The following DLGAP1 variants were observed in gnomAD, a reference collection of about 807,000 sequenced individuals.
DLGAP1 encodes the protein DLG associated protein 1, also known as disks large-associated protein 1.
In DLGAP1, 11 loss-of-function variants were observed where a neutral mutation model predicts 90.8. The observed-to-expected ratio is 0.12, with a 90% CI of 0.08 to 0.20. The LOEUF (loss-of-function observed/expected upper bound fraction) is 0.20, where lower values mean the gene tolerates loss of function less well. Ranked by LOEUF, DLGAP1 falls within the 10% of genes least tolerant of loss-of-function variation. The pLI, the probability that DLGAP1 is intolerant of heterozygous loss-of-function variation, is 1.00. For synonymous variants in DLGAP1, 558 were observed against 540.7 expected (o/e 1.03, Z -0.44); for missense variants, 1,050 against 1,333.8 (o/e 0.79, Z 3.31).
At chr18:3,877,039 C>A (rs2071022153) in intron 4 of DLGAP1, among the ~76,000 whole-genome samples, 2 of 152,164 alleles carry the variant, frequency 1.3e-5, no homozygotes, top group Admixed American at 1.3e-4. Flanking sequence ...CTCAGTTGTA[C>A]AACCTCCAGA....
chr18:3,911,248 C>T (rs1265313186), intron 3 of DLGAP1, among the ~76,000 whole-genome samples: 1 of 152,104 alleles, frequency 6.6e-6, no homozygotes, highest in African/African-American at 2.4e-5. Context: ...TTACTTTTTG[C>T]ACAGTAGTTG....
At chr18:3,545,991 A>G (rs911195421) in intron 9 of DLGAP1, among the ~76,000 whole-genome samples, 1 of 152,246 alleles carries the variant, frequency 6.6e-6, no homozygotes, top group African/African-American at 2.4e-5. Context: ...ACTAGAAGAA[A>G]TAGACAAATT....
rs954357552 is a variant in DLGAP1, at chr18:3,727,451, G to C, written c.1591+1684C>G. On this transcript the variant is annotated intron_variant, in intron 7 of 12. Coordinates refer to ENST00000315677, the MANE Select transcript of DLGAP1 (RefSeq NM_004746.4). The surrounding 1 kb of genome is among the most constrained non-coding windows in gnomAD (Gnocchi z 4.7). ...GTGAGCCACCAGCCCTTTCCTTCCCGACTGTTCTCCTGAGAGCACCCCTTG... is the reference window on the plus strand; with the variant it reads ...GTGAGCCACCAGCCCTTTCCTTCCCCACTGTTCTCCTGAGAGCACCCCTTG... 2.0e-5 allele frequency among the ~76,000 whole-genome samples: 3 copies of C among 152,124 alleles called. No homozygotes were observed. The highest frequency in any genetic ancestry group is 7.2e-5 in the African/African-American group (3 of 41,416).
At chr18:3,639,755 C>CTTTTTTTTTTTTTTTT (rs58862252) in intron 7 of DLGAP1, among the ~76,000 whole-genome samples, 1 of 118,294 alleles carries the variant, frequency 8.5e-6, no homozygotes, top group Non-Finnish European at 1.7e-5. Flanking sequence ...GCAGAGTTGC[C>CTTTTTTTTTTTTTTTT]TTTTTTTTTT....
intron 1 of DLGAP1, among the ~76,000 whole-genome samples, chr18:4,301,812 GT>G (rs562390297): frequency 3.3e-5 from 5 of 152,034 alleles, no homozygotes; most frequent in Admixed American, 2.0e-4. Flanking sequence ...ATGACCTTTT[GT>G]TTTTTTGATA....
At chr18:3,761,287 T>G (rs976084684) in intron 5 of DLGAP1, among the ~76,000 whole-genome samples, 1 of 152,188 alleles carries the variant, frequency 6.6e-6, no homozygotes, top group Non-Finnish European at 1.5e-5. Context: ...TTCTACTTTC[T>G]GTATCTATGA....
chr18:3,769,991 G>C (rs141232395), intron 5 of DLGAP1: 1 of 152,222 alleles, frequency 6.6e-6, no homozygotes, highest in Non-Finnish European at 1.5e-5. Context: ...GACAATGAAT[G>C]AGTCAGGATG....
Position 3,581,881 on chromosome 18 carries a change from C to T in DLGAP1, c.1959G>A (p.Gly653=), listed in dbSNP as rs200529216. The change falls in exon 8 of 13, where the codon GGG becomes GGA. Residue 653 remains glycine (G), a synonymous_variant. Coordinates refer to ENST00000315677, the MANE Select transcript of DLGAP1 (RefSeq NM_004746.4). The part of the protein sequence containing the change: ...HFKKNRCLSI[G]IQVDDAEEPD... The stretch of plus-strand genomic sequence containing the variant: ...TAGAAAGGGAGGCTGTTACCTGTAT[C>T]CCGATAGACAGGCATCGATTTTTCT... The T allele has an allele frequency of 1.1e-4, 175 of 1,614,022 alleles. No individual in the cohort carries two copies. Among genetic ancestry groups the T allele is most frequent in the Admixed American group, 1.0e-4 (6 of 60,014 alleles).
At chr18:4,002,038 T>A (rs573603526) in intron 3 of DLGAP1, among the ~76,000 whole-genome samples, 41 of 33,324 alleles carry the variant, frequency 1.2e-3, no homozygotes, top group African/African-American at 9.1e-3. Flanking sequence ...CCCACACATA[T>A]TTGGTTTATA....
intron 9 of DLGAP1, among the ~76,000 whole-genome samples, chr18:3,544,664 T>A (rs641299): frequency 0.98 from 148,678 of 151,768 alleles, 72,915 homozygotes; most frequent in East Asian, 1. Context: ...GCCAAAATAT[T>A]GTCTATCTTG....
At chr18:4,354,843 A>G (rs1392666824) in intron 1 of DLGAP1, among the ~76,000 whole-genome samples, 1 of 143,894 alleles carries the variant, frequency 6.9e-6, no homozygotes, top group Non-Finnish European at 1.5e-5. Context: ...AGAAGAAACT[A>G]GAGGTACAGG....
At chr18:3,573,448 G>A (rs887072273) in intron 8 of DLGAP1, among the ~76,000 whole-genome samples, 4 of 152,114 alleles carry the variant, frequency 2.6e-5, no homozygotes, top group Non-Finnish European at 4.4e-5. Context: ...GTTACAGTGA[G>A]CCTAGATCAT....
chr18:4,192,690 C>A (rs542455943), intron 1 of DLGAP1, among the ~76,000 whole-genome samples: 13 of 152,222 alleles, frequency 8.5e-5, no homozygotes, highest in African/African-American at 3.1e-4. Flanking sequence ...CTAGAGGAAG[C>A]AAATTCCAGG....
Position 4,243,307 on chromosome 18 carries a change from G to A in DLGAP1, c.-266-92020C>T, listed in dbSNP as rs968806375. Among the ~76,000 whole-genome samples, 15 of 60,384 alleles carry A rather than the reference G, an allele frequency of 2.5e-4. No individual in the cohort carries two copies. The East Asian group carries it at 0.014, about 55-fold the overall frequency. The allele number at this position is 60,384 out of a possible 152,430, so 39.6% of individuals were successfully genotyped here. A position where few individuals can be genotyped will look rare whatever the true frequency, so the allele number is the denominator to read the frequency against. ...TATAACAAGTACTCCTTACGTAACC[G>A]AAACAAAACTCATAAGTCTGATTGC... On this transcript the variant is annotated intron_variant, in intron 1 of 12. Coordinates refer to ENST00000315677, the MANE Select transcript of DLGAP1 (RefSeq NM_004746.4).
intron 3 of DLGAP1, among the ~76,000 whole-genome samples, chr18:3,922,587 A>G (rs2072290388): frequency 6.6e-6 from 1 of 152,344 alleles, no homozygotes; most frequent in African/African-American, 2.4e-5. Flanking sequence ...CAAATCATCA[A>G]AAAGAGGTTC....
At chr18:3,504,377 T>C (rs2050103199) in intron 11 of DLGAP1, among the ~76,000 whole-genome samples, 1 of 152,074 alleles carries the variant, frequency 6.6e-6, no homozygotes, top group African/African-American at 2.4e-5. Context: ...AATTTATAGA[T>C]ATATCTGTTT....
chr18:4,003,821 G>A (rs755443986), intron 3 of DLGAP1, among the ~76,000 whole-genome samples: 4 of 152,190 alleles, frequency 2.6e-5, no homozygotes, highest in Non-Finnish European at 5.9e-5. Flanking sequence ...CGCTGTGTGC[G>A]TGTATTAATG....
chr18:3,598,426 C>A (rs539678934), intron 7 of DLGAP1: 1 of 150,676 alleles, frequency 6.6e-6, no homozygotes, highest in African/African-American at 2.4e-5. Flanking sequence ...CAGAGAAGAA[C>A]TTGTCCAGGT....
intron 1 of DLGAP1, among the ~76,000 whole-genome samples, chr18:4,246,649 T>A (rs752297260): frequency 2.6e-5 from 4 of 152,132 alleles, no homozygotes; most frequent in Non-Finnish European, 5.9e-5. Flanking sequence ...ATCCCCAGCA[T>A]CTCTTTCTTG....
Sources: allele counts gnomAD v4.1 joint callset (sites outside exome capture counted in the v4.1 genomes callset), GRCh38; gene constraint gnomAD v4.1.1; non-coding constraint Gnocchi (gnomAD v3.1); transcripts MANE v1.5; gene names NCBI Gene and HGNC (gene_info 2026-07-23, HGNC 2026-07-21).